Variants in ADCY2 observed in about 807,000 individuals in gnomAD.
ADCY2 encodes the protein adenylate cyclase type 2.
ADCY2 carries 31 observed loss-of-function variants against 125.2 expected under a neutral mutation model. The observed-to-expected ratio is 0.25, with a 90% CI of 0.19 to 0.33. The LOEUF is 0.33. ADCY2 is among the 10% of genes least tolerant of loss of function. ADCY2 has a pLI of 1.00. For synonymous variants in ADCY2, 512 were observed against 548.4 expected (o/e 0.93, Z 0.93); for missense variants, 904 against 1,418.2 (o/e 0.64, Z 5.82).
intron 2 of ADCY2, among the ~76,000 whole-genome samples, chr5:7,464,235 T>C (rs944060476): frequency 1.3e-5 from 2 of 152,106 alleles, no homozygotes; most frequent in African/African-American, 4.8e-5. Context: ...TCCAGCACTC[T>C]CTCTCTCGGA....
intron 3 of ADCY2, among the ~76,000 whole-genome samples, chr5:7,614,311 G>A (rs562796112): frequency 6.6e-6 from 1 of 152,190 alleles, no homozygotes; most frequent in South Asian, 2.1e-4. Flanking sequence ...CCTCTGAGTG[G>A]CCCATCTCTG....
Position 7,717,256 on chromosome 5 carries a change from T to TA in ADCY2, c.1703+22dup. On this transcript the variant is annotated intron_variant, in intron 12 of 24. Coordinates refer to ENST00000338316, the MANE Select transcript of ADCY2 (RefSeq NM_020546.3). ...CACAGAAGTGAGTACTTCTTTCTCT[T>TA]AAATTATCTTTCATCTTTTATTATG... is the stretch of plus-strand genomic sequence containing the variant. 2 of 1,535,814 alleles carry TA rather than the reference T, an allele frequency of 1.3e-6. No individual in the cohort carries two copies. The highest frequency in any genetic ancestry group is 1.8e-6 in the Non-Finnish European group (2 of 1,115,930).
At chr5:7,703,533 G>T (rs568542356) in intron 7 of ADCY2, among the ~76,000 whole-genome samples, 1,562 of 152,236 alleles carry the variant, frequency 0.01, 28 homozygotes, top group African/African-American at 0.035. Flanking sequence ...TCAGATGGTT[G>T]TAGATGTGTG....
At chr5:7,589,488 A>G (rs978454005) in intron 3 of ADCY2, among the ~76,000 whole-genome samples, 23 of 65,118 alleles carry the variant, frequency 3.5e-4, no homozygotes, top group South Asian at 8.2e-4. Context: ...GAAAGAAAGA[A>G]AGAAAGAAAG....
At chr5:7,699,017 G>A (rs961597014) in intron 7 of ADCY2, among the ~76,000 whole-genome samples, 2 of 138,850 alleles carry the variant, frequency 1.4e-5, no homozygotes, top group Non-Finnish European at 3.0e-5. Flanking sequence ...GCGTAAAAGC[G>A]CTCCTATTTC....
chr5:7,652,753 G>A (rs1351725665), intron 4 of ADCY2, among the ~76,000 whole-genome samples: 3 of 152,180 alleles, frequency 2.0e-5, no homozygotes, highest in African/African-American at 4.8e-5. Context: ...AGACAACCTG[G>A]TGATGCTGGG....
At chr5:7,787,536 T>G (rs944156560) in intron 19 of ADCY2, among the ~76,000 whole-genome samples, 2 of 152,242 alleles carry the variant, frequency 1.3e-5, no homozygotes, top group African/African-American at 4.8e-5. Flanking sequence ...GGGGATTTTT[T>G]AAGTCTTTTT....
chr5:7,821,275 C>T (rs781544431), intron 24 of ADCY2, among the ~76,000 whole-genome samples: 8 of 152,054 alleles, frequency 5.3e-5, no homozygotes, highest in African/African-American at 1.2e-4. Context: ...CAATTATAAT[C>T]GTGGTTAAAG....
intron 3 of ADCY2, among the ~76,000 whole-genome samples, chr5:7,606,741 C>T (rs564767472): frequency 1.6e-4 from 24 of 152,206 alleles, no homozygotes; most frequent in African/African-American, 5.1e-4. Flanking sequence ...TGTTATTTTT[C>T]GTTTATCACC....
chr5:7,640,286 G>A (rs1561139701), intron 4 of ADCY2, among the ~76,000 whole-genome samples: 2 of 152,160 alleles, frequency 1.3e-5, no homozygotes, highest in Non-Finnish European at 2.9e-5. Context: ...GTAAAAAAAG[G>A]CAAATGTCAA....
chr5:7,750,751 C>G (rs1742786062), intron 15 of ADCY2, among the ~76,000 whole-genome samples: 1 of 151,768 alleles, frequency 6.6e-6, no homozygotes, highest in Non-Finnish European at 1.5e-5. Context: ...CACTTGGTCC[C>G]TTGTCTCGGT....
At chr5:7,809,421 T>G (rs113801694) in intron 22 of ADCY2, among the ~76,000 whole-genome samples, 17 of 152,250 alleles carry the variant, frequency 1.1e-4, no homozygotes, top group African/African-American at 3.4e-4. Context: ...TATTAGTTAC[T>G]TTTATAAGAA....
chr5:7,680,083 A>C (rs748357216), intron 4 of ADCY2, among the ~76,000 whole-genome samples: 3 of 152,096 alleles, frequency 2.0e-5, no homozygotes, highest in African/African-American at 7.2e-5. Context: ...GTATAGGGGA[A>C]ATTAGTTAGG....
chr5:7,774,369 G>A (rs151189623), intron 18 of ADCY2, among the ~76,000 whole-genome samples: 22 of 152,278 alleles, frequency 1.4e-4, no homozygotes, highest in African/African-American at 5.1e-4. Flanking sequence ...TCTCAAAATT[G>A]CCAACTAAAC....
At chr5:7,595,728 G>A (rs1162657417) in intron 3 of ADCY2, among the ~76,000 whole-genome samples, 2 of 152,054 alleles carry the variant, frequency 1.3e-5, no homozygotes, top group Admixed American at 6.6e-5. Flanking sequence ...GATATAAAAT[G>A]GTGTAATTTT....
At chr5:7,488,238 AAGC>A (rs1743016492) in intron 2 of ADCY2, among the ~76,000 whole-genome samples, 1 of 152,088 alleles carries the variant, frequency 6.6e-6, no homozygotes, top group African/African-American at 2.4e-5. Context: ...TCCCCTGCAC[AAGC>A]TCTCTTGCCG....
chr5:7,411,958 C>T (rs1739733954), intron 1 of ADCY2, among the ~76,000 whole-genome samples: 4 of 150,996 alleles, frequency 2.6e-5, no homozygotes, highest in Non-Finnish European at 4.4e-5. Flanking sequence ...GCCTGTAGTC[C>T]CAGCTACTTG....
chr5:7,819,140 TC>T (rs1482167295), intron 23 of ADCY2, among the ~76,000 whole-genome samples: 11 of 152,144 alleles, frequency 7.2e-5, no homozygotes, highest in African/African-American at 2.2e-4. Flanking sequence ...CTGCTTTTAT[TC>T]TGGCCACGCT....
Position 7,816,974 on chromosome 5 carries a change from C to T in ADCY2, c.2992C>T (p.Arg998Ter). 2 of 1,613,474 alleles carry T rather than the reference C, an allele frequency of 1.2e-6. No individual in the cohort carries two copies. Among genetic ancestry groups the T allele is most frequent in the Non-Finnish European group, 1.7e-6 (2 of 1,179,510 alleles). The change falls in exon 23 of 25, where the codon CGA becomes TGA. Residue 998 changes from arginine to a stop codon, truncating the protein, a stop_gained. Transcript: ENST00000338316. LOFTEE classifies it high-confidence loss of function. The part of the protein sequence containing the change: ...NKHSFNDFKL[R>*]VGINHGPVIA... ...GCACTCCTTCAACGACTTCAAATTGCGAGTGGGTACGTTCTGCAAAAGAGG... is the reference window on the plus strand; with the variant it reads ...GCACTCCTTCAACGACTTCAAATTGTGAGTGGGTACGTTCTGCAAAAGAGG...
Sources: allele counts gnomAD v4.1 joint callset (sites outside exome capture counted in the v4.1 genomes callset), GRCh38; gene constraint gnomAD v4.1.1; transcripts MANE v1.5; gene names NCBI Gene and HGNC (gene_info 2026-07-23, HGNC 2026-07-21).